The following SLC22A12 variants were observed in gnomAD, a reference collection of about 807,000 sequenced individuals.
SLC22A12 encodes the protein solute carrier family 22 member 12.
In SLC22A12, 56 loss-of-function variants were observed where a neutral mutation model predicts 52.7. That is an observed-to-expected ratio of 1.06 (90% CI 0.86 to 1.33). SLC22A12 has a LOEUF of 1.33. Among genes scored for constraint, SLC22A12 ranks in the 40% most tolerant of loss-of-function variants. The probability of loss-of-function intolerance (pLI) is 0.00; values close to 1 mark genes in which losing one functional copy is unlikely to be tolerated. For synonymous variants in SLC22A12, 337 were observed against 324.6 expected, an observed-to-expected ratio of 1.04 and a Z score of -0.41; for missense variants, 683 against 741.5, an observed-to-expected ratio of 0.92 and a Z score of 0.92.
Position 64,600,874 on chromosome 11 carries a change from G to T in SLC22A12, c.1534G>T (p.Ala512Ser). The part of the protein sequence containing the change: ...GTVPVLSGLA[A>S]LLLPETQSLP... The stretch of plus-strand genomic sequence containing the variant: ...GGTGCCAGTGCTGAGTGGCCTGGCC[G>T]CACTGCTTCTGCCCGAGACCCAGAG... The change falls in exon 9 of 10, where the codon GCA becomes TCA. Residue 512 changes from alanine (A) to serine (S), a missense_variant. Coordinates refer to ENST00000377574, the MANE Select transcript of SLC22A12 (RefSeq NM_144585.4). 6.2e-7 allele frequency: 1 copy of T among 1,609,324 alleles called. No individual in the cohort carries two copies. The highest frequency in any genetic ancestry group is 8.5e-7 in the Non-Finnish European group (1 of 1,179,972).
intron 4 of SLC22A12, among the ~76,000 whole-genome samples, chr11:64,596,355 A>AATGGATGG (rs1185708405): frequency 8.4e-6 from 1 of 119,522 alleles, no homozygotes; most frequent in African/African-American, 3.5e-5. Context: ...TGGATGGATG[A>AATGGATGG]ATGGATGGAT....
At chr11:64,594,397 C>T (rs79933955) in intron 4 of SLC22A12, among the ~76,000 whole-genome samples, 8,173 of 152,330 alleles carry the variant, frequency 0.054, 283 homozygotes, top group Non-Finnish European at 0.074. Context: ...ACAAATCAGG[C>T]GTGGCCCTTG....
chr11:64,595,302 GA>G, intron 4 of SLC22A12, among the ~76,000 whole-genome samples: 1 of 117,036 alleles, frequency 8.5e-6, no homozygotes, highest in Non-Finnish European at 1.8e-5. Flanking sequence ...TGGATGGATG[GA>G]TGGATGGATG....
At position 64,591,900 on chromosome 11, in the gene SLC22A12, C is replaced by T. The variant is rs770448460; in HGVS notation, c.344C>T (p.Pro115Leu). Residue 115 changes from proline (P) to leucine (L), a missense_variant, in exon 1 of 10, where the codon CCG (proline) becomes CTG (leucine). Pro to Leu is a moderately conservative substitution (Grantham distance 98, BLOSUM62 -3). Transcript: ENST00000377574. ...ATSWSEADTE[P>L]CVDGWVYDRS... ...AGCTGGAGCGAGGCCGACACGGAGC[C>T]GTGTGTGGATGGCTGGGTCTATGAC... 13 of 1,612,660 alleles carry T rather than the reference C, an allele frequency of 8.1e-6. No homozygotes were observed. The highest frequency in any genetic ancestry group is 1.7e-5 in the Admixed American group (1 of 60,026).
At chr11:64,598,100 G>T (rs74511656) in intron 4 of SLC22A12, among the ~76,000 whole-genome samples, 1 of 152,034 alleles carries the variant, frequency 6.6e-6, no homozygotes, top group Non-Finnish European at 1.5e-5. Context: ...GACCCCAGTC[G>T]CCTTGGAGAT....
intron 4 of SLC22A12, among the ~76,000 whole-genome samples, chr11:64,595,962 GGATGGAAT>G (rs1565137253): frequency 2.5e-5 from 3 of 121,378 alleles, no homozygotes; most frequent in Admixed American, 8.2e-5. Context: ...ATGGATGGAT[GGATGGAAT>G]GGATGGATGG....
At chr11:64,593,251 C>T (rs2038979305) in intron 2 of SLC22A12, among the ~76,000 whole-genome samples, 154 bp from the exon 3 acceptor site, 1 of 152,250 alleles carries the variant, frequency 6.6e-6, no homozygotes, top group African/African-American at 2.4e-5. Context: ...CCGGAGGGTT[C>T]CGTAGGTGGA....
rs80097678 is a variant in SLC22A12, at chr11:64,599,077, A to G, written c.1070+154A>G. Among the ~76,000 whole-genome samples the G allele has an allele frequency of 3.4e-3, 518 of 152,302 alleles. 2 individuals carry two copies. The highest frequency in any genetic ancestry group is 0.012 in the African/African-American group (481 of 41,558). On this transcript the variant is annotated intron_variant, in intron 6 of 9. Coordinates refer to ENST00000377574, the MANE Select transcript of SLC22A12 (RefSeq NM_144585.4). ...TGTCAGTCACTCCCGACAGGAGACA[A>G]CCCAGGCCGGGTGGGCTCACTGAGG...
intron 1 of SLC22A12, among the ~76,000 whole-genome samples, chr11:64,592,186 C>T (rs145292304): frequency 5.5e-4 from 84 of 152,274 alleles, no homozygotes; most frequent in African/African-American, 1.9e-3. Flanking sequence ...GGCACCTGGG[C>T]GGGCACCTCT....
At chr11:64,596,340 GTGGA>G (rs1288629749) in intron 4 of SLC22A12, among the ~76,000 whole-genome samples, 25 of 117,462 alleles carry the variant, frequency 2.1e-4, no homozygotes, top group African/African-American at 7.6e-4. Flanking sequence ...GGATGGATGG[GTGGA>G]TGGATGGATG....
chr11:64,595,624 AGATG>A (rs1403675166), intron 4 of SLC22A12, among the ~76,000 whole-genome samples: 2 of 128,400 alleles, frequency 1.6e-5, no homozygotes, highest in Non-Finnish European at 1.6e-5. Context: ...ATGGATGGAT[AGATG>A]GATGGATGGT....
chr11:64,593,307 C>T lies in SLC22A12; in HGVS notation c.507-98C>T, dbSNP rs192540807. 127 of 1,576,386 alleles carry T rather than the reference C, an allele frequency of 8.1e-5. No homozygotes were observed. The East Asian group carries it at 2.8e-3, about 34-fold the overall frequency. On this transcript the variant is annotated intron_variant, in intron 2 of 9. Coordinates refer to ENST00000377574, the MANE Select transcript of SLC22A12 (RefSeq NM_144585.4). Reference sequence around the variant, plus strand: ...TGCCGCTTCAGTGTCCGCCTCAGCTCAGCGGGCAAGCATAGGGTGGGCTCT... The same window carrying T: ...TGCCGCTTCAGTGTCCGCCTCAGCTTAGCGGGCAAGCATAGGGTGGGCTCT...
intron 4 of SLC22A12, among the ~76,000 whole-genome samples, chr11:64,595,870 TG>T (rs1177862907): frequency 5.0e-4 from 69 of 138,354 alleles, no homozygotes; most frequent in African/African-American, 1.8e-3. Flanking sequence ...GTTGAATGGA[TG>T]GAATGGATGG....
intron 8 of SLC22A12, 55 bp downstream of exon 8, chr11:64,600,530 A>G (rs1311630626): frequency 8.9e-6 from 13 of 1,463,778 alleles, no homozygotes; most frequent in Non-Finnish European, 1.2e-5. Context: ...GCTGCGGGGC[A>G]CCCCCAGGCA....
At position 64,593,761 on chromosome 11, in the gene SLC22A12, T is replaced by C. The variant is rs1318585573; in HGVS notation, c.788T>C (p.Leu263Pro). 2 of 1,612,308 alleles carry C rather than the reference T, an allele frequency of 1.2e-6. No individual in the cohort carries two copies. The highest frequency in any genetic ancestry group is 1.6e-4 in the Middle Eastern group (1 of 6,062). The change falls in exon 4 of 10, where the codon CTG (leucine) becomes CCG (proline). Residue 263 changes from leucine (L) to proline (P), a missense_variant. Leu to Pro is a moderately conservative substitution (Grantham distance 98). Transcript: ENST00000377574. ...GTGCGGGACTGGACACTGCTGCAGC[T>C]GGTGGTCTCGGTCCCCTTCTTCCTC... ...YGVRDWTLLQ[L>P]VVSVPFFLCF...
chr11:64,591,258 TTTC>T lies in SLC22A12; in HGVS notation c.-298_-296del. The T allele has an allele frequency of 2.1e-6, 1 of 467,584 alleles. No homozygotes were observed. The highest frequency in any genetic ancestry group is 3.8e-6 in the Non-Finnish European group (1 of 260,280). 29.0% of individuals were successfully genotyped at this position (467,584 alleles called of 1,614,324 possible). A position where few individuals can be genotyped will look rare whatever the true frequency, so the allele number is the denominator to read the frequency against. On this transcript the variant is annotated 5_prime_UTR_variant, in exon 1 of 10. Coordinates refer to ENST00000377574, the MANE Select transcript of SLC22A12 (RefSeq NM_144585.4). ...AGTCTTCAGTCTCCACATTCCCTAC[TTTC>T]CAAATTCAGCTTTCCCGGGAGGTCT...
chr11:64,591,947 A>G lies in SLC22A12; in HGVS notation c.391A>G (p.Ile131Val), dbSNP rs150428327. 135 of 1,611,132 alleles carry G rather than the reference A, an allele frequency of 8.4e-5. 1 individual carries two copies. The highest frequency in any genetic ancestry group is 8.2e-4 in the Middle Eastern group (5 of 6,062). Residue 131 changes from isoleucine (I) to valine (V), a missense_variant, in exon 1 of 10, where the codon ATC becomes GTC. Physicochemically the swap from Ile to Val is conservative, Grantham distance 29. Coordinates refer to ENST00000377574, the MANE Select transcript of SLC22A12 (RefSeq NM_144585.4). Reference sequence around the variant, plus strand: ...TGACCGCAGCATCTTCACCTCCACAATCGTGGCCAAGGTAGGGCCTCCCCC... The same window carrying G: ...TGACCGCAGCATCTTCACCTCCACAGTCGTGGCCAAGGTAGGGCCTCCCCC... ...VYDRSIFTST[I>V]VAKWNLVCDS...
Position 64,599,679 on chromosome 11 carries a change from C to G in SLC22A12, c.1074C>G (p.Phe358Leu), listed in dbSNP as rs1241081236. Residue 358 changes from phenylalanine to leucine, a missense_variant, in exon 7 of 10, where the codon TTC becomes TTG. Phe to Leu is a conservative substitution (Grantham distance 22). Coordinates refer to ENST00000377574, the MANE Select transcript of SLC22A12 (RefSeq NM_144585.4). ...FRTCISTLCW[F>L]AFGFTFFGLA... is the part of the protein sequence containing the mutation. The stretch of plus-strand genomic sequence containing the variant: ...ACTTCCCTGACCCCTGCCCCAGGTT[C>G]GCCTTTGGCTTCACCTTCTTCGGCC... The G allele has an allele frequency of 6.9e-7, 1 of 1,440,222 alleles. No homozygotes were observed. Among genetic ancestry groups the G allele is most frequent in the Non-Finnish European group, 9.4e-7 (1 of 1,069,304 alleles). The allele number at this position is 1,440,222 out of a possible 1,614,324, so 89.2% of individuals were successfully genotyped here.
intron 4 of SLC22A12, among the ~76,000 whole-genome samples, chr11:64,594,486 A>ATAGG (rs60103042): frequency 7.2e-4 from 109 of 151,586 alleles, no homozygotes; most frequent in African/African-American, 2.5e-3. Flanking sequence ...AAATAGATAG[A>ATAGG]TAGGTAGGTA....
Sources: allele counts gnomAD v4.1 joint callset (sites outside exome capture counted in the v4.1 genomes callset), GRCh38; gene constraint gnomAD v4.1.1; transcripts MANE v1.5; gene names NCBI Gene and HGNC (gene_info 2026-07-23, HGNC 2026-07-21).